Variants in CHN2 observed in about 807,000 individuals in gnomAD.
The protein encoded by CHN2 is chimerin 2.
In CHN2, 35 loss-of-function variants were observed where a neutral mutation model predicts 56.3. The ratio of observed to expected loss-of-function variants is 0.62; its 90% CI spans 0.47 to 0.82. The LOEUF (loss-of-function observed/expected upper bound fraction) is 0.82. Among genes scored for constraint, CHN2 ranks in the 40% least tolerant of loss-of-function variants. The pLI is 0.00. For missense variants in CHN2, 491 were observed against 580.5 expected (o/e 0.85, Z 1.58); for synonymous variants, 210 against 212.8 (o/e 0.99, Z 0.12).
At chr7:29,448,907 C>T (rs1477343907) in intron 6 of CHN2, among the ~76,000 whole-genome samples, 2 of 152,198 alleles carry the variant, frequency 1.3e-5, no homozygotes, top group South Asian at 2.1e-4. Flanking sequence ...AGAAACCAGT[C>T]CTGGCATCCA....
intron 2 of CHN2, among the ~76,000 whole-genome samples, chr7:29,188,059 G>C (rs1360243756): frequency 6.6e-6 from 1 of 151,634 alleles, no homozygotes; most frequent in Middle Eastern, 3.2e-3. Flanking sequence ...TGATGTAACA[G>C]GGGGGTGGTA....
At chr7:29,448,772 G>A (rs1784201203) in intron 6 of CHN2, among the ~76,000 whole-genome samples, 1 of 151,808 alleles carries the variant, frequency 6.6e-6, no homozygotes, top group Admixed American at 6.6e-5. Context: ...TTGTTTTGGG[G>A]AGTTGGGGAA....
At chr7:29,330,167 C>CA (rs1456058487) in intron 1 of CHN2, among the ~76,000 whole-genome samples, 1 of 152,130 alleles carries the variant, frequency 6.6e-6, no homozygotes, top group Non-Finnish European at 1.5e-5. Flanking sequence ...TAATGTGTTC[C>CA]ACCTCAGTGT....
chr7:29,375,191 T>C (rs1799963702), intron 3 of CHN2, among the ~76,000 whole-genome samples: 2 of 10,308 alleles, frequency 1.9e-4, no homozygotes, highest in African/African-American at 1.7e-3. Context: ...TGCTCGGCCC[T>C]TTTTTTTTTT....
At chr7:29,472,285 A>ACACACACACACACACACG (rs1562634310) in intron 6 of CHN2, among the ~76,000 whole-genome samples, 8 of 150,064 alleles carry the variant, frequency 5.3e-5, no homozygotes, top group Admixed American at 1.3e-4. Context: ...ACACACACAC[A>ACACACACACACACACACG]CACACACACA....
intron 1 of CHN2, among the ~76,000 whole-genome samples, chr7:29,264,886 C>G (rs936145901): frequency 2.7e-4 from 29 of 108,542 alleles, no homozygotes; most frequent in African/African-American, 9.6e-4. Flanking sequence ...AAAAAAAAAA[C>G]AAGTTAATTT....
chr7:29,358,773 A>T (rs1447490553), intron 2 of CHN2, among the ~76,000 whole-genome samples: 1 of 152,134 alleles, frequency 6.6e-6, no homozygotes, highest in East Asian at 1.9e-4. Flanking sequence ...CTAATGATTG[A>T]TTTTAAGAAG....
At chr7:29,200,400 C>A (rs1465167988) in intron 1 of CHN2, among the ~76,000 whole-genome samples, 1 of 138,044 alleles carries the variant, frequency 7.2e-6, no homozygotes, top group Non-Finnish European at 1.5e-5. Flanking sequence ...ACCTTCTTCT[C>A]CTTCCTTCCT....
chr7:29,454,805 TC>T (rs2128133209), intron 6 of CHN2, among the ~76,000 whole-genome samples: 1 of 152,318 alleles, frequency 6.6e-6, no homozygotes, highest in East Asian at 1.9e-4. Flanking sequence ...TTGTCAAAAC[TC>T]ACAGAAACGC....
intron 9 of CHN2, among the ~76,000 whole-genome samples, chr7:29,503,101 T>C (rs971116694): frequency 2.6e-5 from 4 of 152,178 alleles, no homozygotes; most frequent in Non-Finnish European, 4.4e-5. Flanking sequence ...ATTTACATAT[T>C]GAAGCCCTAA....
At chr7:29,272,186 G>A (rs1443499607) in intron 1 of CHN2, among the ~76,000 whole-genome samples, 1 of 152,090 alleles carries the variant, frequency 6.6e-6, no homozygotes, top group African/African-American at 2.4e-5. Context: ...CAGACACGGA[G>A]TCCGCCACGG....
At position 29,429,465 on chromosome 7, in the gene CHN2, T is replaced by C. The variant is rs565392286; in HGVS notation, c.576+28637T>C. 4.6e-5 allele frequency among the ~76,000 whole-genome samples: 7 copies of C among 152,348 alleles called. No individual in the cohort carries two copies. In the South Asian group the frequency reaches 1.5e-3, roughly 32 times the overall value. ...TTTGTTTTTGGTTCGCTTTGATATCTGATACCAATTATATAAAATCTACTT... is the reference window on the plus strand; with the variant it reads ...TTTGTTTTTGGTTCGCTTTGATATCCGATACCAATTATATAAAATCTACTT... On this transcript the variant is annotated intron_variant, in intron 6 of 12. Coordinates refer to ENST00000222792, the MANE Select transcript of CHN2 (RefSeq NM_004067.4).
intron 1 of CHN2, among the ~76,000 whole-genome samples, chr7:29,309,799 A>T (rs1337029804): frequency 6.6e-6 from 1 of 152,206 alleles, no homozygotes; most frequent in Non-Finnish European, 1.5e-5. Context: ...CCACTTTGCC[A>T]CGCAGGCTGG....
rs113586121 is a variant in CHN2 at position 29,400,617 on chromosome 7, C to T, written c.365C>T (p.Ser122Leu). Residue 122 changes from serine to leucine, a missense_variant, in exon 6 of 13, where the codon TCG (serine) becomes TTG (leucine). Transcript: ENST00000222792. ...TTTGTGGGTGAGAAGAGGTTTGAGT[C>T]GATTCATGATCTGGTGACAGATGGC... is the stretch of plus-strand genomic sequence containing the variant. The part of the protein sequence containing the change: ...KHFVGEKRFE[S>L]IHDLVTDGLI... 2 of 1,614,050 alleles carry T rather than the reference C, an allele frequency of 1.2e-6. No individual in the cohort carries two copies. Among genetic ancestry groups the T allele is most frequent in the Admixed American group, 1.7e-5 (1 of 60,016 alleles).
At chr7:29,395,131 C>T (rs1801649115) in intron 4 of CHN2, among the ~76,000 whole-genome samples, 1 of 152,124 alleles carries the variant, frequency 6.6e-6, no homozygotes, top group African/African-American at 2.4e-5. Context: ...CAATGGATAC[C>T]TTTAGGGAGA....
At chr7:29,512,120 A>C (rs1057150128) in intron 12 of CHN2, among the ~76,000 whole-genome samples, 1 of 151,880 alleles carries the variant, frequency 6.6e-6, no homozygotes, top group Non-Finnish European at 1.5e-5. Context: ...CCCAGCAGAG[A>C]GGGATCCTGC....
At chr7:29,346,897 A>G (rs952421100) in intron 1 of CHN2, among the ~76,000 whole-genome samples, 1 of 152,150 alleles carries the variant, frequency 6.6e-6, no homozygotes, top group Non-Finnish European at 1.5e-5. Context: ...AGGTGATTCC[A>G]TCAAATCAAC....
chr7:29,303,813 A>G (rs1318788246), intron 1 of CHN2, among the ~76,000 whole-genome samples: 1 of 152,188 alleles, frequency 6.6e-6, no homozygotes, highest in Non-Finnish European at 1.5e-5. Flanking sequence ...TAATCCCAGC[A>G]CTTTGGAAGG....
chr7:29,474,323 T>A (rs1262173930), intron 6 of CHN2, among the ~76,000 whole-genome samples: 1 of 152,240 alleles, frequency 6.6e-6, no homozygotes, highest in African/African-American at 2.4e-5. Context: ...CATTTCTTGA[T>A]ATTGTTTTGA....
Sources: allele counts gnomAD v4.1 joint callset (sites outside exome capture counted in the v4.1 genomes callset), GRCh38; gene constraint gnomAD v4.1.1; transcripts MANE v1.5; gene names NCBI Gene and HGNC (gene_info 2026-07-23, HGNC 2026-07-21).